Variants in SNX24 observed in about 807,000 individuals in gnomAD.
The protein encoded by SNX24 is sorting nexin 24, also known as sorting nexin-24.
A neutral mutation model predicts 28.7 loss-of-function variants in SNX24; 22 were observed. The observed-to-expected ratio is 0.77, with a 90% confidence interval of 0.55 to 1.10. The LOEUF (loss-of-function observed/expected upper bound fraction) is 1.10. SNX24 is among the 50% of genes least tolerant of loss of function. The pLI is 0.00. For missense variants in SNX24, 221 were observed against 201.1 expected (o/e 1.10, Z -0.60); for synonymous variants, 69 against 71.5 (o/e 0.96, Z 0.18).
chr5:122,880,868 C>A (rs963423656), intron 1 of SNX24, among the ~76,000 whole-genome samples: 5 of 152,202 alleles, frequency 3.3e-5, no homozygotes, highest in Non-Finnish European at 7.3e-5. Flanking sequence ...AGAGAAATCT[C>A]CCCTGGCCCA....
intron 2 of SNX24, among the ~76,000 whole-genome samples, chr5:122,940,978 C>G (rs1759420399): frequency 6.6e-6 from 1 of 152,180 alleles, no homozygotes; most frequent in South Asian, 2.1e-4. Context: ...CTTTCATCTT[C>G]AAAGCTAGCA....
intron 6 of SNX24, among the ~76,000 whole-genome samples, chr5:123,004,913 A>G (rs527441018): frequency 6.6e-6 from 1 of 152,330 alleles, no homozygotes; most frequent in East Asian, 1.9e-4. Flanking sequence ...AAAAACCAAC[A>G]AAAATAACAG....
chr5:122,914,766 A>G (rs1371078580), intron 1 of SNX24, among the ~76,000 whole-genome samples: 2 of 151,638 alleles, frequency 1.3e-5, no homozygotes, highest in East Asian at 1.9e-4. Context: ...TTTTTATTGC[A>G]TCTATTTGAT....
At chr5:122,850,632 G>A (rs1754868626) in intron 1 of SNX24, among the ~76,000 whole-genome samples, 1 of 152,204 alleles carries the variant, frequency 6.6e-6, no homozygotes, top group African/African-American at 2.4e-5. Flanking sequence ...CGTGGGTGCA[G>A]GTACCAGTAA....
At chr5:122,884,131 A>G (rs1029651730) in intron 1 of SNX24, among the ~76,000 whole-genome samples, 5 of 152,172 alleles carry the variant, frequency 3.3e-5, no homozygotes, top group African/African-American at 1.2e-4. Flanking sequence ...CTCAGATATG[A>G]AACACATTTT....
chr5:122,998,082 G>C (rs1028939150), intron 3 of SNX24: 2 of 152,076 alleles, frequency 1.3e-5, no homozygotes, highest in Non-Finnish European at 2.9e-5. Context: ...GGTAAAAACT[G>C]AGATGAAAGT....
chr5:122,897,912 T>C (rs765223526), intron 1 of SNX24, among the ~76,000 whole-genome samples: 10 of 152,262 alleles, frequency 6.6e-5, no homozygotes, highest in African/African-American at 9.6e-5. Context: ...TTTGACTTTA[T>C]GTCTTCTGTT....
intron 3 of SNX24, among the ~76,000 whole-genome samples, chr5:122,996,286 A>G (rs1329447389): frequency 1.3e-5 from 2 of 152,166 alleles, no homozygotes; most frequent in Non-Finnish European, 2.9e-5. Context: ...GGCACACAGC[A>G]CCGGCCACAG....
rs752383485 is a variant in SNX24, at chr5:123,001,456, C to G, written c.377+19C>G. On this transcript the variant is annotated intron_variant, in intron 5 of 6. Transcript: ENST00000261369. ...AGTCAAGGTAAGGACTAATCCTCAT[C>G]AGCCAGGAATAGGATTATGGTTTTG... The G allele has an allele frequency of 1.9e-6, 3 of 1,551,858 alleles. No individual in the cohort carries two copies. In the Admixed American group the frequency reaches 5.1e-5, roughly 26 times the overall value.
At chr5:122,942,416 C>T (rs1289475167) in intron 2 of SNX24, among the ~76,000 whole-genome samples, 1 of 152,200 alleles carries the variant, frequency 6.6e-6, no homozygotes, top group African/African-American at 2.4e-5. Context: ...GTAGCGGTGG[C>T]AATACAGGGG....
chr5:122,986,841 ATGGGTGGGTGGG>A (rs888795902), intron 3 of SNX24, among the ~76,000 whole-genome samples: 1 of 43,506 alleles, frequency 2.3e-5, no homozygotes, highest in Admixed American at 2.9e-4. Context: ...AGGTAAATGC[ATGGGTGGGTGGG>A]TGGGTGGGTG....
chr5:123,021,472 C>T (rs968065446), intron 5 of SNX24, among the ~76,000 whole-genome samples: 2 of 152,132 alleles, frequency 1.3e-5, no homozygotes, highest in Non-Finnish European at 2.9e-5. Context: ...AGCAAGTGGA[C>T]TAAATGCCAG....
chr5:122,874,455 G>C (rs887263044), intron 1 of SNX24, among the ~76,000 whole-genome samples: 7 of 152,148 alleles, frequency 4.6e-5, no homozygotes, highest in African/African-American at 1.7e-4. Flanking sequence ...CCTGGCAGAG[G>C]GGACTCTAAG....
At chr5:123,002,886 C>G (rs1451467343) in intron 6 of SNX24, among the ~76,000 whole-genome samples, 3 of 152,140 alleles carry the variant, frequency 2.0e-5, no homozygotes, top group African/African-American at 4.8e-5. Flanking sequence ...CCTTAACAAC[C>G]TTGTGAACTA....
chr5:123,025,246 T>C (rs1179007926), intron 5 of SNX24, among the ~76,000 whole-genome samples: 1 of 152,244 alleles, frequency 6.6e-6, no homozygotes, highest in Non-Finnish European at 1.5e-5. Flanking sequence ...GTGCAACCAA[T>C]AGCCAGAATT....
Position 123,008,928 on chromosome 5 carries a change from A to G in SNX24, c.*1179A>G, listed in dbSNP as rs1006551805. 1.0e-5 allele frequency: 10 copies of G among 985,018 alleles called. No homozygotes were observed. Among genetic ancestry groups the G allele is most frequent in the Non-Finnish European group, 1.2e-5 (10 of 829,134 alleles). The allele number at this position is 985,018 out of a possible 1,614,324, so 61.0% of individuals were successfully genotyped here. A position where few individuals can be genotyped will look rare whatever the true frequency, so the allele number is the denominator to read the frequency against. ...GATCTAATTAATAGCTAGCCTATTT[A>G]TGGTTATTCGTTTTAGTAAGTTCTG... On this transcript the variant is annotated 3_prime_UTR_variant, in exon 7 of 7. Transcript: ENST00000261369.
intron 3 of SNX24, among the ~76,000 whole-genome samples, chr5:122,999,604 G>C (rs1306722719): frequency 6.6e-6 from 1 of 152,108 alleles, no homozygotes; most frequent in Admixed American, 6.5e-5. Context: ...TCTCCATGAA[G>C]GCAAGAACCA....
At chr5:122,994,856 AT>A (rs891940348) in intron 3 of SNX24, among the ~76,000 whole-genome samples, 8 of 151,796 alleles carry the variant, frequency 5.3e-5, no homozygotes, top group African/African-American at 1.2e-4. Context: ...AAGAAAAATA[AT>A]TTTTTTTTGT....
intron 6 of SNX24, 76 bp from the exon 7 acceptor site, chr5:123,007,606 G>A (rs1047701019): frequency 7.7e-7 from 1 of 1,294,950 alleles, no homozygotes; most frequent in African/African-American, 1.5e-5. Flanking sequence ...CCATTCTACA[G>A]AATGCAATTA....
Sources: gnomAD v4.1 joint callset for allele counts (sites outside exome capture counted in the v4.1 genomes callset) on GRCh38, gnomAD v4.1.1 for gene constraint, MANE v1.5 for transcripts, NCBI Gene and HGNC (gene_info 2026-07-23, HGNC 2026-07-21) for gene names.